GUCY1A2: variants seen among roughly 807,000 people sequenced by gnomAD.
GUCY1A2 encodes the protein guanylate cyclase 1 soluble subunit alpha 2.
Under a neutral mutation model 63.5 loss-of-function variants are expected in GUCY1A2, and 27 were observed. That is an observed-to-expected ratio of 0.43 (90% CI 0.31 to 0.59). GUCY1A2 has a LOEUF of 0.59. Among genes scored for constraint, GUCY1A2 ranks in the 20% least tolerant of loss-of-function variants. The probability of loss-of-function intolerance (pLI) is 0.11; values close to 1 mark genes in which losing one functional copy is unlikely to be tolerated. For missense variants in GUCY1A2, 768 were observed against 913.3 expected, an observed-to-expected ratio of 0.84 and a Z score of 2.05; for synonymous variants, 364 against 343.5, an observed-to-expected ratio of 1.06 and a Z score of -0.66.
intron 6 of GUCY1A2, among the ~76,000 whole-genome samples, chr11:106,731,903 A>T (rs1487305774): frequency 6.6e-6 from 1 of 152,166 alleles, no homozygotes; most frequent in Non-Finnish European, 1.5e-5. Context: ...CAGAGATGGT[A>T]CAAACAAATG....
intron 4 of GUCY1A2, among the ~76,000 whole-genome samples, chr11:106,843,236 A>G (rs747859846): frequency 1.9e-4 from 29 of 151,902 alleles, no homozygotes; most frequent in African/African-American, 4.8e-5. Flanking sequence ...TTTTTAAGAA[A>G]AAAAGTAATA....
Position 106,904,565 on chromosome 11 carries a change from C to T in GUCY1A2, c.1206+34895G>A, listed in dbSNP as rs532935875. Among the ~76,000 whole-genome samples, 100 of 152,012 alleles carry T rather than the reference C, an allele frequency of 6.6e-4. 1 individual carries two copies. In the South Asian group the frequency reaches 0.019, roughly 28 times the overall value. ...ATTTTTACATGAATTAATTTTGATA[C>T]GATGGGCTTTTTAAAGCTTTTTTTA... On this transcript the variant is annotated intron_variant, in intron 4 of 7. Coordinates refer to ENST00000526355, the MANE Select transcript of GUCY1A2 (RefSeq NM_000855.3).
intron 7 of GUCY1A2, among the ~76,000 whole-genome samples, chr11:106,690,356 A>G (rs1426107499): frequency 6.6e-6 from 1 of 152,178 alleles, no homozygotes; most frequent in African/African-American, 2.4e-5. Flanking sequence ...AAAGAATGAG[A>G]TCATGTCATT....
intron 4 of GUCY1A2, among the ~76,000 whole-genome samples, chr11:106,842,211 C>T (rs1859208327): frequency 6.6e-6 from 1 of 151,920 alleles, no homozygotes; most frequent in South Asian, 2.1e-4. Context: ...AGGTTCCATC[C>T]CTTCCCTTGC....
chr11:106,946,556 A>G (rs981317061), intron 3 of GUCY1A2, among the ~76,000 whole-genome samples: 2 of 152,202 alleles, frequency 1.3e-5, no homozygotes, highest in Non-Finnish European at 2.9e-5. Context: ...CAAGAAAAAA[A>G]GCAGCAATGG....
chr11:106,701,011 G>A (rs1862808616), intron 7 of GUCY1A2, among the ~76,000 whole-genome samples: 2 of 152,026 alleles, frequency 1.3e-5, no homozygotes, highest in South Asian at 2.1e-4. Flanking sequence ...AAACTATATC[G>A]AAGGTATAGT....
chr11:106,860,666 T>C (rs1005363998), intron 4 of GUCY1A2, among the ~76,000 whole-genome samples: 1 of 152,034 alleles, frequency 6.6e-6, no homozygotes, highest in African/African-American at 2.4e-5. Context: ...TTGTGGTCTA[T>C]ATTTTAGCTT....
At chr11:106,950,451 G>A (rs1860890628) in intron 3 of GUCY1A2, among the ~76,000 whole-genome samples, 1 of 152,216 alleles carries the variant, frequency 6.6e-6, no homozygotes, top group South Asian at 2.1e-4. Flanking sequence ...CCCACACCTG[G>A]CCCCTTATTC....
intron 4 of GUCY1A2, among the ~76,000 whole-genome samples, chr11:106,910,992 G>C (rs1261558844): frequency 6.6e-6 from 1 of 151,826 alleles, no homozygotes; most frequent in Non-Finnish European, 1.5e-5. Flanking sequence ...TTTCCTCCAG[G>C]GCTCCACTGT....
chr11:107,014,648 G>C (rs1288880654), intron 1 of GUCY1A2, among the ~76,000 whole-genome samples: 1 of 151,930 alleles, frequency 6.6e-6, no homozygotes, highest in African/African-American at 2.4e-5. Context: ...ACCTGAGTGT[G>C]GATATCCCAT....
At chr11:106,965,417 G>C (rs969804919) in intron 3 of GUCY1A2, among the ~76,000 whole-genome samples, 1 of 152,122 alleles carries the variant, frequency 6.6e-6, no homozygotes, top group Non-Finnish European at 1.5e-5. Context: ...ATGTATACAT[G>C]TATGTGTATG....
At chr11:106,949,530 C>T (rs891960308) in intron 3 of GUCY1A2, among the ~76,000 whole-genome samples, 1 of 152,152 alleles carries the variant, frequency 6.6e-6, no homozygotes, top group South Asian at 2.1e-4. Flanking sequence ...TATCTTCACA[C>T]CAAAATTCCT....
At chr11:106,742,183 TTTTC>T (rs1863705692) in intron 6 of GUCY1A2, among the ~76,000 whole-genome samples, 2 of 152,162 alleles carry the variant, frequency 1.3e-5, no homozygotes, top group African/African-American at 4.8e-5. Flanking sequence ...AATGGATGAA[TTTTC>T]TTTTTTTTTC....
rs554484305 is a variant in GUCY1A2 at position 106,674,535 on chromosome 11, T to C, written c.*13014A>G. On this transcript the variant is annotated 3_prime_UTR_variant, in exon 8 of 8. Coordinates refer to ENST00000526355, the MANE Select transcript of GUCY1A2 (RefSeq NM_000855.3). Reference sequence around the variant, plus strand: ...ACTTTTTTAAAATTAATGGTACAGGTTTAAGAGATGCATTCATTTTTTTAA... The same window carrying C: ...ACTTTTTTAAAATTAATGGTACAGGCTTAAGAGATGCATTCATTTTTTTAA... The C allele has an allele frequency of 3.1e-4, 56 of 180,608 alleles. No individual in the cohort carries two copies. Among genetic ancestry groups the C allele is most frequent in the South Asian group, 7.9e-4 (4 of 5,056 alleles). 11.2% of individuals were successfully genotyped at this position (180,608 alleles called of 1,614,324 possible).
intron 4 of GUCY1A2, chr11:106,936,733 G>C: frequency 6.9e-7 from 1 of 1,441,254 alleles, no homozygotes; most frequent in Non-Finnish European, 9.4e-7. Context: ...TTTTTTTATG[G>C]CAGACGTAGT....
At chr11:106,933,311 A>G (rs1860629549) in intron 4 of GUCY1A2, among the ~76,000 whole-genome samples, 1 of 152,184 alleles carries the variant, frequency 6.6e-6, no homozygotes. Context: ...TTCTCAAAAT[A>G]AAACATAAAA....
At chr11:106,848,128 G>A (rs1396995353) in intron 4 of GUCY1A2, among the ~76,000 whole-genome samples, 1 of 151,550 alleles carries the variant, frequency 6.6e-6, no homozygotes, top group Non-Finnish European at 1.5e-5. Flanking sequence ...TAACAGAGAA[G>A]GCATGGAAAG....
chr11:107,005,283 AAATTT>A (rs1162839052), intron 1 of GUCY1A2, among the ~76,000 whole-genome samples: 1 of 152,168 alleles, frequency 6.6e-6, no homozygotes, highest in African/African-American at 2.4e-5. Flanking sequence ...TACATTTTTT[AAATTT>A]TTTTGGAGAC....
intron 3 of GUCY1A2, among the ~76,000 whole-genome samples, chr11:106,960,607 T>C (rs1861046426): frequency 6.6e-6 from 1 of 152,224 alleles, no homozygotes; most frequent in African/African-American, 2.4e-5. Context: ...TACATTTTAA[T>C]TTAAATTCAA....
Sources: allele counts gnomAD v4.1 joint callset (sites outside exome capture counted in the v4.1 genomes callset), GRCh38; gene constraint gnomAD v4.1.1; transcripts MANE v1.5; gene names NCBI Gene and HGNC (gene_info 2026-07-23, HGNC 2026-07-21).